Variants in SNTG1 observed in about 807,000 individuals in gnomAD.
SNTG1 encodes the protein gamma-1-syntrophin.
SNTG1 carries 39 observed loss-of-function variants against 74.7 expected under a neutral mutation model. The observed-to-expected ratio is 0.52, with a 90% CI of 0.40 to 0.68. The LOEUF (loss-of-function observed/expected upper bound fraction) is 0.68. Ranked by LOEUF, SNTG1 falls within the 30% of genes least tolerant of loss-of-function variation. SNTG1 has a pLI of 0.00. For missense variants in SNTG1, 685 were observed against 609.5 expected (o/e 1.12, Z -1.30); for synonymous variants, 254 against 217.1 (o/e 1.17, Z -1.49).
At chr8:50,205,902 G>T (rs1563737701) in intron 2 of SNTG1, among the ~76,000 whole-genome samples, 2 of 151,970 alleles carry the variant, frequency 1.3e-5, no homozygotes, top group East Asian at 1.9e-4. Flanking sequence ...ATTCCTGAGG[G>T]CTCTGTTCTG....
intron 18 of SNTG1, among the ~76,000 whole-genome samples, chr8:50,765,535 A>G (rs1263444483): frequency 6.6e-6 from 1 of 151,888 alleles, no homozygotes; most frequent in East Asian, 1.9e-4. Context: ...CATTTTATGT[A>G]TGTTGTCCAG....
chr8:50,052,236 A>C (rs190162589), intron 1 of SNTG1, among the ~76,000 whole-genome samples: 1 of 152,228 alleles, frequency 6.6e-6, no homozygotes, highest in Admixed American at 6.5e-5. Context: ...ATGTAAATTA[A>C]TAGAGTAAAC....
chr8:50,394,125 C>T, intron 2 of SNTG1, 87 bp from the exon 3 acceptor site: 1 of 1,010,984 alleles, frequency 9.9e-7, no homozygotes, highest in Non-Finnish European at 1.5e-6. Context: ...CCCACAAGTT[C>T]TGCTTCACGA....
intron 8 of SNTG1, among the ~76,000 whole-genome samples, chr8:50,470,348 C>T (rs1439356606): frequency 6.6e-6 from 1 of 152,174 alleles, no homozygotes; most frequent in Non-Finnish European, 1.5e-5. Flanking sequence ...GGTTCTTGGT[C>T]TCGCTGACTT....
chr8:50,075,775 A>G (rs1024348146), intron 1 of SNTG1, among the ~76,000 whole-genome samples: 4 of 152,134 alleles, frequency 2.6e-5, no homozygotes, highest in African/African-American at 4.8e-5. Flanking sequence ...CCTGGGAGGA[A>G]TGAACAACTC....
chr8:50,213,496 T>G (rs1330700460), intron 2 of SNTG1, among the ~76,000 whole-genome samples: 1 of 152,194 alleles, frequency 6.6e-6, no homozygotes, highest in Non-Finnish European at 1.5e-5. Context: ...ATCAAAATTT[T>G]GGGAAAAATA....
chr8:50,003,250 T>C (rs1385635205), intron 1 of SNTG1, among the ~76,000 whole-genome samples: 1 of 152,204 alleles, frequency 6.6e-6, no homozygotes, highest in Non-Finnish European at 1.5e-5. Context: ...ATATAAAAAT[T>C]GTCTCACTAT....
intron 13 of SNTG1, among the ~76,000 whole-genome samples, chr8:50,626,939 T>A (rs75737983): frequency 0.043 from 6,487 of 152,164 alleles, 242 homozygotes; most frequent in African/African-American, 0.093. Context: ...GTGGAAAAAA[T>A]ATATATATAT....
rs553242134 is a variant in SNTG1 at position 50,367,370 on chromosome 8, C to A, written c.-27-26842C>A. ...CATTAAATTCCCACAGTAAAATTAG[C>A]TAACACCAGATTAATTTTATTTAAT... On this transcript the variant is annotated intron_variant, in intron 2 of 18. Transcript: ENST00000642720. Among the ~76,000 whole-genome samples the A allele has an allele frequency of 5.9e-5, 9 of 151,952 alleles. No individual in the cohort carries two copies. The East Asian group carries it at 1.4e-3, about 23-fold the overall frequency.
intron 1 of SNTG1, among the ~76,000 whole-genome samples, chr8:50,139,910 T>C (rs1199745037): frequency 6.6e-6 from 1 of 152,226 alleles, no homozygotes; most frequent in Non-Finnish European, 1.5e-5. Context: ...GATAGCTCAG[T>C]AATGTAGTTC....
At chr8:50,591,077 TA>T (rs1347145344) in intron 13 of SNTG1, among the ~76,000 whole-genome samples, 160 bp downstream of exon 13, 1 of 152,154 alleles carries the variant, frequency 6.6e-6, no homozygotes, top group East Asian at 1.9e-4. Context: ...TCATATTATG[TA>T]ATATATTGGT....
At chr8:50,296,727 T>C (rs1486609693) in intron 2 of SNTG1, among the ~76,000 whole-genome samples, 4 of 152,074 alleles carry the variant, frequency 2.6e-5, no homozygotes, top group Non-Finnish European at 5.9e-5. Context: ...CATGTAAACC[T>C]ATGTAACAAA....
chr8:50,487,698 G>A (rs1005543229), intron 8 of SNTG1, among the ~76,000 whole-genome samples: 5 of 150,004 alleles, frequency 3.3e-5, no homozygotes, highest in African/African-American at 1.2e-4. Flanking sequence ...GGGGTCGGAG[G>A]GGGGGGAGGG....
chr8:50,726,362 G>T (rs531318864), intron 17 of SNTG1, among the ~76,000 whole-genome samples: 2 of 152,328 alleles, frequency 1.3e-5, no homozygotes, highest in African/African-American at 4.8e-5. Flanking sequence ...AAGGAGTTAT[G>T]ATTTTCCTGG....
rs778377053 is a variant in SNTG1, at chr8:50,704,538, A to G, written c.1039-62A>G. ...CTTCTGCACCTTGGTCCAGTCAGGAATGGCCAGGTTAGCAATGTGAAGTGA... is the reference window on the plus strand; with the variant it reads ...CTTCTGCACCTTGGTCCAGTCAGGAGTGGCCAGGTTAGCAATGTGAAGTGA... On this transcript the variant is annotated intron_variant, in intron 15 of 18. Transcript: ENST00000642720. 35 of 1,599,028 alleles carry G rather than the reference A, an allele frequency of 2.2e-5. No homozygotes were observed. In the South Asian group the frequency reaches 3.6e-4, roughly 17 times the overall value.
intron 9 of SNTG1, among the ~76,000 whole-genome samples, chr8:50,521,380 C>A (rs1004934182): frequency 6.6e-6 from 1 of 152,144 alleles, no homozygotes; most frequent in Non-Finnish European, 1.5e-5. Flanking sequence ...AACAAACCTG[C>A]GTTTCCTGCA....
rs532482930 is a variant in SNTG1 at position 49,967,958 on chromosome 8, C to T, written c.-103+55727C>T. On this transcript the variant is annotated intron_variant, in intron 1 of 18. Transcript: ENST00000642720. ...GCACTTTTCTACACAGATACAAGAG[C>T]GAGGGTATTCTCCTCAGTCTTGGTC... 3.5e-3 allele frequency among the ~76,000 whole-genome samples: 532 copies of T among 152,274 alleles called. 3 individuals are homozygous for T. Among genetic ancestry groups the T allele is most frequent in the African/African-American group, 0.012 (489 of 41,552 alleles).
At chr8:50,297,290 G>T (rs1458831543) in intron 2 of SNTG1, among the ~76,000 whole-genome samples, 1 of 152,134 alleles carries the variant, frequency 6.6e-6, no homozygotes, top group East Asian at 1.9e-4. Flanking sequence ...TGTGATACAA[G>T]TTAAATTAGG....
chr8:50,423,731 G>C (rs1345952620), intron 4 of SNTG1, among the ~76,000 whole-genome samples: 1 of 152,074 alleles, frequency 6.6e-6, no homozygotes, highest in Middle Eastern at 3.4e-3. Context: ...AATCTACAAA[G>C]AAAATGGAAA....
Sources: allele counts gnomAD v4.1 joint callset (sites outside exome capture counted in the v4.1 genomes callset), GRCh38; gene constraint gnomAD v4.1.1; transcripts MANE v1.5; gene names NCBI Gene and HGNC (gene_info 2026-07-23, HGNC 2026-07-21).